Variants in CRB1 observed in about 807,000 individuals in gnomAD.
CRB1 encodes the protein protein crumbs homolog 1.
A neutral mutation model predicts 120.0 loss-of-function variants in CRB1; 83 were observed. That is an observed-to-expected ratio of 0.69 (90% CI 0.58 to 0.83). The LOEUF (loss-of-function observed/expected upper bound fraction) is 0.83. CRB1 is among the 40% of genes least tolerant of loss of function. The probability of loss-of-function intolerance (pLI) is 0.00; values close to 1 mark genes in which losing one functional copy is unlikely to be tolerated. For missense variants in CRB1, 1,699 were observed against 1,687.6 expected (o/e 1.01, Z -0.12); for synonymous variants, 625 against 612.5 (o/e 1.02, Z -0.30).
chr1:197,477,679 A>ACTG lies in CRB1; in HGVS notation c.4021_4022insCTG (p.Ile1341delinsThrVal). 4 of 1,613,698 alleles carry ACTG rather than the reference A, an allele frequency of 2.5e-6. No homozygotes were observed. The highest frequency in any genetic ancestry group is 3.4e-6 in the Non-Finnish European group (4 of 1,179,788). ...ATCTTTCCAGTTGGCAGATGACTTGATCTCCGACATTTTCACCACTATTGG... is the reference window on the plus strand; with the variant it reads ...ATCTTTCCAGTTGGCAGATGACTTGACTGTCTCCGACATTTTCACCACTATTGG... On this transcript the variant is annotated protein_altering_variant, in exon 12 of 12. Transcript: ENST00000367400.
intron 5 of CRB1, among the ~76,000 whole-genome samples, chr1:197,380,063 A>G (rs4262574): frequency 0.25 from 38,398 of 152,114 alleles, 5,322 homozygotes; most frequent in Middle Eastern, 0.39. Flanking sequence ...TAATACGTCG[A>G]AAAAGAGGCA....
intron 10 of CRB1, chr1:197,441,696 GTGGGCTT>G (rs1431101599): frequency 1.9e-5 from 1 of 53,768 alleles, no homozygotes; most frequent in African/African-American, 7.5e-5. Flanking sequence ...TTTCTCTTTG[GTGGGCTT>G]TTTCCTTAGC....
At chr1:197,240,958 T>A in the CRB1 span, among the ~76,000 whole-genome samples, 1 of 152,248 alleles carries the variant, frequency 6.6e-6, no homozygotes, top group African/African-American at 2.4e-5. Context: ...CCATTGATGA[T>A]GAACTTTTCT....
At chr1:197,223,041 G>A in the CRB1 span, 1 of 788,004 alleles carries the variant, frequency 1.3e-6, no homozygotes, top group African/African-American at 1.7e-5. Flanking sequence ...AGGAAGACAA[G>A]GACTATCTTT....
At chr1:197,218,988 G>T in the CRB1 span, among the ~76,000 whole-genome samples, 172 of 152,286 alleles carry the variant, frequency 1.1e-3, 1 homozygote, top group African/African-American at 3.8e-3. Context: ...GGACAGGGTT[G>T]TTGAGGCATA....
chr1:197,394,789 T>C (rs1425797582), intron 5 of CRB1, among the ~76,000 whole-genome samples: 1 of 152,066 alleles, frequency 6.6e-6, no homozygotes, highest in African/African-American at 2.4e-5. Context: ...TCCCTATTTC[T>C]CCAGATGTGG....
intron 11 of CRB1, chr1:197,444,337 C>T (rs1228550367): frequency 6.6e-6 from 1 of 152,142 alleles, no homozygotes; most frequent in Non-Finnish European, 1.5e-5. Context: ...CCTTCTTACT[C>T]ATCCATTTTC....
chr1:197,383,667 G>A (rs1287375604), intron 5 of CRB1, among the ~76,000 whole-genome samples: 11 of 152,146 alleles, frequency 7.2e-5, no homozygotes, highest in Non-Finnish European at 1.5e-4. Context: ...TTCTCTTTCT[G>A]TCTTGGCTAC....
chr1:197,293,741 C>T (rs1218377491), intron 1 of CRB1, among the ~76,000 whole-genome samples: 2 of 151,840 alleles, frequency 1.3e-5, no homozygotes, highest in Non-Finnish European at 2.9e-5. Flanking sequence ...CAGAACAGAG[C>T]CCTCAGAAAT....
intron 2 of CRB1, among the ~76,000 whole-genome samples, chr1:197,331,842 T>G (rs1003832032): frequency 1.3e-5 from 2 of 152,200 alleles, no homozygotes; most frequent in African/African-American, 4.8e-5. Context: ...AAATTGGATT[T>G]TAATGAATCC....
intron 11 of CRB1, among the ~76,000 whole-genome samples, chr1:197,464,787 G>T (rs1291060599): frequency 6.6e-6 from 1 of 152,080 alleles, no homozygotes; most frequent in African/African-American, 2.4e-5. Flanking sequence ...GCAAATTATA[G>T]AAATAAAATA....
chr1:197,294,188 A>C (rs1656373547), intron 1 of CRB1, among the ~76,000 whole-genome samples: 1 of 152,190 alleles, frequency 6.6e-6, no homozygotes, highest in Admixed American at 6.6e-5. Context: ...AATTTCCAGA[A>C]TCTACAAAGA....
intron 7 of CRB1, chr1:197,429,098 T>G (rs551032533): frequency 6.6e-7 from 1 of 1,518,256 alleles, no homozygotes; most frequent in South Asian, 1.2e-5. Context: ...TTATCATCTA[T>G]AAAACCAGGA....
chr1:197,206,970 C>T, the CRB1 span, among the ~76,000 whole-genome samples: 2 of 152,018 alleles, frequency 1.3e-5, no homozygotes, highest in Non-Finnish European at 2.9e-5. Context: ...TTGGACAAGG[C>T]CTTTTATCAT....
intron 4 of CRB1, among the ~76,000 whole-genome samples, chr1:197,356,413 T>A (rs560305664): frequency 6.6e-6 from 1 of 152,202 alleles, no homozygotes; most frequent in Non-Finnish European, 1.5e-5. Context: ...GAAATAAGGA[T>A]TTACCTTTAC....
rs541488801 is a variant in CRB1, at chr1:197,442,202, G to A, written c.3915G>A (p.Pro1305=). ...ACATTGATGAGTGTGCCTCTGATCC[G>A]TGTGTCAATGGAGGTCTGTGCCAGG... ...EKDIDECASD[P]CVNGGLCQDL... Residue 1305 remains proline, a synonymous_variant, in exon 11 of 12, where the codon CCG becomes CCA. Transcript: ENST00000367400. 1.9e-5 allele frequency: 30 copies of A among 1,613,798 alleles called. No individual in the cohort carries two copies. Among genetic ancestry groups the A allele is most frequent in the South Asian group, 5.5e-5 (5 of 91,066 alleles).
intron 1 of CRB1, among the ~76,000 whole-genome samples, chr1:197,279,593 G>A (rs1415015181): frequency 6.9e-6 from 1 of 144,574 alleles, no homozygotes; most frequent in Non-Finnish European, 1.5e-5. Flanking sequence ...GGAAATGTAT[G>A]TGTTGTTTAA....
At chr1:197,323,492 C>A (rs1340036279) in intron 1 of CRB1, among the ~76,000 whole-genome samples, 1 of 152,118 alleles carries the variant, frequency 6.6e-6, no homozygotes, top group Non-Finnish European at 1.5e-5. Context: ...TAAAATATGT[C>A]TATTCCATAG....
At chr1:197,408,933 G>A (rs997996852) in intron 5 of CRB1, among the ~76,000 whole-genome samples, 1 of 152,232 alleles carries the variant, frequency 6.6e-6, no homozygotes, top group African/African-American at 2.4e-5. Flanking sequence ...GAGCTTCAAA[G>A]TATGACTTTT....
Sources: gnomAD v4.1 joint callset for allele counts (sites outside exome capture counted in the v4.1 genomes callset) on GRCh38, gnomAD v4.1.1 for gene constraint, MANE v1.5 for transcripts, NCBI Gene and HGNC (gene_info 2026-07-23, HGNC 2026-07-21) for gene names.